The following ACTN1 variants were observed in gnomAD, a reference collection of about 807,000 sequenced individuals.
The protein encoded by ACTN1 is actinin alpha 1.
A neutral mutation model predicts 119.6 loss-of-function variants in ACTN1; 30 were observed. The observed-to-expected ratio is 0.25, with a 90% CI of 0.19 to 0.34. The LOEUF (loss-of-function observed/expected upper bound fraction) is 0.34. Ranked by LOEUF, ACTN1 falls within the 10% of genes least tolerant of loss-of-function variation. ACTN1 has a pLI of 1.00. For synonymous variants in ACTN1, 429 were observed against 472.6 expected (o/e 0.91, Z 1.20); for missense variants, 764 against 1,223.4 (o/e 0.62, Z 5.60).
At chr14:68,894,722 T>C (rs1483500303) in intron 8 of ACTN1, among the ~76,000 whole-genome samples, 2 of 152,102 alleles carry the variant, frequency 1.3e-5, no homozygotes, top group African/African-American at 4.8e-5. Context: ...AGATGATATC[T>C]GTGAGAAGAC....
chr14:68,977,962 A>T, intron 1 of ACTN1: 1 of 455,984 alleles, frequency 2.2e-6, no homozygotes, highest in Non-Finnish European at 4.4e-6. Flanking sequence ...CGCAGGCAGG[A>T]AGCAGCGGTA....
chr14:68,889,356 T>C (rs1244443539), intron 11 of ACTN1, among the ~76,000 whole-genome samples: 1 of 152,136 alleles, frequency 6.6e-6, no homozygotes, highest in Admixed American at 6.5e-5. Context: ...AAGCATGCAA[T>C]GTACTATAAT....
chr14:68,974,970 A>G (rs1352322809), intron 1 of ACTN1, among the ~76,000 whole-genome samples: 1 of 152,216 alleles, frequency 6.6e-6, no homozygotes, highest in African/African-American at 2.4e-5. Flanking sequence ...CTGATGGTTT[A>G]TGGCCCCCAG....
At chr14:68,883,178 T>C in intron 14 of ACTN1, 123 bp from the exon 15 acceptor site, 1 of 1,077,882 alleles carries the variant, frequency 9.3e-7, no homozygotes, top group South Asian at 1.5e-5. Flanking sequence ...TCAAAGATTC[T>C]TGTGGCTGAG....
rs929025644 is a variant in ACTN1 at position 68,878,703 on chromosome 14, T to C, written c.2362-180A>G. On this transcript the variant is annotated intron_variant, in intron 19 of 21. Coordinates refer to ENST00000394419, the MANE Select transcript of ACTN1 (RefSeq NM_001130004.2). This position sits in a 1 kb window ranked among gnomAD's most constrained non-coding sequence, Gnocchi z 4.4. ...ATGCGAACACACATCGGTGGAAATG[T>C]CCAAAGACAGGAGGAAGACAGAGCA... is the stretch of plus-strand genomic sequence containing the variant. 5.9e-6 allele frequency: 9 copies of C among 1,536,790 alleles called. No homozygotes were observed. The African/African-American group carries it at 1.2e-4, about 21-fold the overall frequency.
At chr14:68,942,366 G>A (rs561794085) in intron 1 of ACTN1, among the ~76,000 whole-genome samples, 344 of 122,702 alleles carry the variant, frequency 2.8e-3, no homozygotes, top group Non-Finnish European at 3.9e-3. Flanking sequence ...GGGAGACAGT[G>A]AGACCCCAGC....
intron 1 of ACTN1, among the ~76,000 whole-genome samples, chr14:68,972,907 GT>G (rs34061805): frequency 0.021 from 3,167 of 152,290 alleles, 40 homozygotes; most frequent in Non-Finnish European, 0.03. Context: ...TAATTACCAT[GT>G]GCTCAAAAAG....
At chr14:68,958,633 C>T (rs940186530) in intron 1 of ACTN1, among the ~76,000 whole-genome samples, 1 of 152,134 alleles carries the variant, frequency 6.6e-6, no homozygotes. Flanking sequence ...AACCCAGCTC[C>T]TGGATATTAT....
At position 68,893,647 on chromosome 14, in the gene ACTN1, G is replaced by A. The variant is rs759027804; in HGVS notation, c.855+8C>T. 6.2e-7 allele frequency: 1 copy of A among 1,613,696 alleles called. No individual in the cohort carries two copies. The highest frequency in any genetic ancestry group is 1.1e-5 in the South Asian group (1 of 91,056). ...AGAGTCAGGCCAGGTGAACCCGGGG[G>A]TACCCACATCACTGGCCAGCTTCTC... On this transcript the variant is annotated splice_region_variant and intron_variant, in intron 9 of 21. Transcript: ENST00000394419.
chr14:68,923,785 T>C (rs991960644), intron 2 of ACTN1, among the ~76,000 whole-genome samples: 17 of 152,148 alleles, frequency 1.1e-4, no homozygotes, highest in African/African-American at 3.9e-4. Context: ...AAGAGGGATT[T>C]TAAAAATATT....
At chr14:68,955,374 T>C (rs1477952632) in intron 1 of ACTN1, among the ~76,000 whole-genome samples, 5 of 152,114 alleles carry the variant, frequency 3.3e-5, no homozygotes, top group Non-Finnish European at 5.9e-5. Flanking sequence ...CTCATGACAA[T>C]GACTAGGCGC....
chr14:68,880,632 A>G lies in ACTN1; in HGVS notation c.2133+178T>C, dbSNP rs1250195949. Among the ~76,000 whole-genome samples the G allele has an allele frequency of 2.0e-5, 3 of 152,200 alleles. No homozygotes were observed. ...CTAGAGATGGGGCCTAGAAATGTGC[A>G]TTCTCAACACATTCCTTGGGAAAGC... is the stretch of plus-strand genomic sequence containing the variant. On this transcript the variant is annotated intron_variant, in intron 17 of 21. Transcript: ENST00000394419. The surrounding 1 kb of genome is among the most constrained non-coding windows in gnomAD (Gnocchi z 4.6).
intron 7 of ACTN1, 55 bp downstream of exon 7, chr14:68,904,600 C>T (rs963563603): frequency 2.8e-5 from 44 of 1,550,026 alleles, no homozygotes; most frequent in South Asian, 4.5e-5. Flanking sequence ...CCTTCTTAGC[C>T]GCTGAGTGGC....
intron 1 of ACTN1, among the ~76,000 whole-genome samples, chr14:68,945,068 AG>A (rs1229327724): frequency 2.0e-5 from 3 of 151,430 alleles, no homozygotes; most frequent in Admixed American, 6.6e-5. Flanking sequence ...CAAAAGGCTA[AG>A]GTAGGAGAAT....
chr14:68,973,226 T>A (rs182761405), intron 1 of ACTN1, among the ~76,000 whole-genome samples: 1 of 152,314 alleles, frequency 6.6e-6, no homozygotes, highest in Non-Finnish European at 1.5e-5. Context: ...ATGCCCAGCC[T>A]GGGGATAGGT....
At chr14:68,954,512 T>G (rs928236465) in intron 1 of ACTN1, among the ~76,000 whole-genome samples, 25 of 151,932 alleles carry the variant, frequency 1.6e-4, no homozygotes, top group African/African-American at 5.6e-4. Context: ...ATTTTTAGTA[T>G]AGACGGGGTT....
At chr14:68,920,119 TGGC>T (rs1566637926) in intron 3 of ACTN1, among the ~76,000 whole-genome samples, 1 of 152,276 alleles carries the variant, frequency 6.6e-6, no homozygotes. Flanking sequence ...CACTTACTGA[TGGC>T]GGAACCTTGA....
At chr14:68,912,743 C>T (rs915860571) in intron 3 of ACTN1, among the ~76,000 whole-genome samples, 1 of 151,616 alleles carries the variant, frequency 6.6e-6, no homozygotes, top group Admixed American at 6.6e-5. Context: ...ATTTGGGGCA[C>T]AAAAAAAGGG....
At position 68,880,251 on chromosome 14, in the gene ACTN1, G is replaced by A. The variant is rs1566590169; in HGVS notation, c.2134-143C>T. 4.9e-6 allele frequency: 5 copies of A among 1,019,234 alleles called. No individual in the cohort carries two copies. The highest frequency in any genetic ancestry group is 5.5e-5 in the Admixed American group (2 of 36,662). 63.1% of individuals were successfully genotyped at this position (1,019,234 alleles called of 1,614,324 possible). A position where few individuals can be genotyped will look rare whatever the true frequency, so the allele number is the denominator to read the frequency against. On this transcript the variant is annotated intron_variant, in intron 17 of 21. Transcript: ENST00000394419. The surrounding 1 kb of genome is among the most constrained non-coding windows in gnomAD (Gnocchi z 4.6). ...GTGTGGCTGAGTGTCACCAGAGGAA[G>A]GGGAACCAGGACAAGGACAACCTAC...
Sources: allele counts gnomAD v4.1 joint callset (sites outside exome capture counted in the v4.1 genomes callset), GRCh38; gene constraint gnomAD v4.1.1; non-coding constraint Gnocchi (gnomAD v3.1); transcripts MANE v1.5; gene names NCBI Gene and HGNC (gene_info 2026-07-23, HGNC 2026-07-21).